Variants in LRP1B observed in about 807,000 individuals in gnomAD.
LRP1B encodes the protein LDL receptor related protein 1B.
In LRP1B, 217 loss-of-function variants were observed where a neutral mutation model predicts 556.6. The ratio of observed to expected loss-of-function variants is 0.39; its 90% confidence interval spans 0.35 to 0.44. The LOEUF (loss-of-function observed/expected upper bound fraction) is 0.44. Ranked by LOEUF, LRP1B falls within the 20% of genes least tolerant of loss-of-function variation. The pLI is 1.00. For synonymous variants in LRP1B, 2,047 were observed against 1,865.8 expected (o/e 1.10, Z -2.50); for missense variants, 5,053 against 5,620.8 (o/e 0.90, Z 3.23).
chr2:141,125,844 CAA>C lies in LRP1B; in HGVS notation c.1013+62575_1013+62576del, dbSNP rs386391362. Among the ~76,000 whole-genome samples the C allele has an allele frequency of 2.6e-4, 27 of 102,200 alleles. 1 individual carries two copies. The highest frequency in any genetic ancestry group is 1.0e-3 in the African/African-American group (26 of 25,282). The allele number at this position is 102,200 out of a possible 152,430, so 67.0% of individuals were successfully genotyped here. On this transcript the variant is annotated intron_variant, in intron 7 of 90. Transcript: ENST00000389484. ...TCTTGTCTGTAACTCCTTTCAAATG[CAA>C]AAAAAAAAAAAAAAACAAAAAACCT...
chr2:140,453,733 T>C (rs1457733770), intron 62 of LRP1B, among the ~76,000 whole-genome samples: 1 of 152,152 alleles, frequency 6.6e-6, no homozygotes, highest in Non-Finnish European at 1.5e-5. Flanking sequence ...ATCTTAATTT[T>C]TACTAGATTC....
intron 9 of LRP1B, 69 bp downstream of exon 9, chr2:141,058,814 A>C: frequency 7.5e-7 from 1 of 1,335,222 alleles, no homozygotes; most frequent in Non-Finnish European, 1.0e-6. Flanking sequence ...AACACCATAC[A>C]AAAGCACAAG....
chr2:141,640,254 T>G (rs1689282088), intron 2 of LRP1B, among the ~76,000 whole-genome samples: 1 of 152,218 alleles, frequency 6.6e-6, no homozygotes, highest in South Asian at 2.1e-4. Context: ...TGCAAATTCC[T>G]AGATCTTGCA....
At chr2:141,062,505 G>T (rs548919639) in intron 7 of LRP1B, among the ~76,000 whole-genome samples, 10 of 151,884 alleles carry the variant, frequency 6.6e-5, no homozygotes, top group Admixed American at 2.6e-4. Context: ...TCCCCAAAAT[G>T]AATGATTATA....
At chr2:141,583,924 G>T (rs1331080159) in intron 2 of LRP1B, among the ~76,000 whole-genome samples, 2 of 145,750 alleles carry the variant, frequency 1.4e-5, no homozygotes, top group Non-Finnish European at 3.0e-5. Flanking sequence ...TTTTTTAGTA[G>T]CGATGGGGTT....
intron 41 of LRP1B, among the ~76,000 whole-genome samples, chr2:140,643,290 A>G (rs1374478066): frequency 6.6e-6 from 1 of 152,112 alleles, no homozygotes; most frequent in Non-Finnish European, 1.5e-5. Flanking sequence ...GTTACTATTC[A>G]GAAGACAACC....
chr2:140,872,928 T>C (rs1405807015), intron 25 of LRP1B, among the ~76,000 whole-genome samples: 1 of 152,110 alleles, frequency 6.6e-6, no homozygotes, highest in South Asian at 2.1e-4. Flanking sequence ...TTTATGTGCA[T>C]GTACACAATG....
intron 43 of LRP1B, among the ~76,000 whole-genome samples, chr2:140,584,623 G>A (rs1277980019): frequency 6.6e-6 from 1 of 152,002 alleles, no homozygotes; most frequent in Non-Finnish European, 1.5e-5. Flanking sequence ...TACACTAGTT[G>A]CCCTAGATAC....
chr2:141,180,672 T>C (rs1680949070), intron 7 of LRP1B, among the ~76,000 whole-genome samples: 1 of 151,814 alleles, frequency 6.6e-6, no homozygotes, highest in Non-Finnish European at 1.5e-5. Context: ...CCCAGCCTCT[T>C]ATCAGTATTT....
intron 7 of LRP1B, among the ~76,000 whole-genome samples, chr2:141,106,852 C>G (rs1180505610): frequency 6.6e-6 from 1 of 152,142 alleles, no homozygotes; most frequent in Non-Finnish European, 1.5e-5. Context: ...CAACCACTTT[C>G]GATGCCAGGG....
intron 29 of LRP1B, among the ~76,000 whole-genome samples, chr2:140,843,522 T>G (rs1212400986): frequency 1.3e-5 from 2 of 152,154 alleles, no homozygotes; most frequent in Non-Finnish European, 2.9e-5. Context: ...GTCTTATTTC[T>G]CACTATTTTT....
chr2:140,733,229 G>A lies in LRP1B; in HGVS notation c.5759-16413C>T, dbSNP rs114815348. Reference sequence around the variant, plus strand: ...CTTAAATTTAGTCAATGTATAGTACGAATAACCCTTTCCTTAAAACACATA... The same window carrying A: ...CTTAAATTTAGTCAATGTATAGTACAAATAACCCTTTCCTTAAAACACATA... On this transcript the variant is annotated intron_variant, in intron 35 of 90. Coordinates refer to ENST00000389484, the MANE Select transcript of LRP1B (RefSeq NM_018557.3). 6.6e-3 allele frequency among the ~76,000 whole-genome samples: 1,008 copies of A among 152,162 alleles called. 6 individuals carry two copies. Among genetic ancestry groups the A allele is most frequent in the African/African-American group, 0.023 (958 of 41,540 alleles).
intron 1 of LRP1B, among the ~76,000 whole-genome samples, chr2:141,959,613 C>A (rs910679559): frequency 1.3e-5 from 2 of 151,600 alleles, no homozygotes; most frequent in South Asian, 2.1e-4. Flanking sequence ...CTGAAATTAT[C>A]GTATTAACAC....
chr2:140,595,072 A>G (rs1431559650), intron 43 of LRP1B, among the ~76,000 whole-genome samples: 1 of 139,934 alleles, frequency 7.1e-6, no homozygotes, highest in Non-Finnish European at 1.5e-5. Context: ...CTACTTAAAA[A>G]TAAAATATAA....
At chr2:141,234,415 C>T (rs1683580035) in intron 5 of LRP1B, among the ~76,000 whole-genome samples, 1 of 151,846 alleles carries the variant, frequency 6.6e-6, no homozygotes, top group African/African-American at 2.4e-5. Context: ...CTTGCTCTGT[C>T]ATACAGGCTA....
chr2:141,038,699 AT>A (rs1370556092), intron 11 of LRP1B, among the ~76,000 whole-genome samples: 1 of 152,094 alleles, frequency 6.6e-6, no homozygotes, highest in Non-Finnish European at 1.5e-5. Context: ...ACTATATTGT[AT>A]TGAGAAATTC....
intron 1 of LRP1B, among the ~76,000 whole-genome samples, chr2:141,983,770 A>G (rs1346193744): frequency 6.6e-6 from 1 of 152,002 alleles, no homozygotes; most frequent in African/African-American, 2.4e-5. Flanking sequence ...TGATGAAAAA[A>G]CCCATTTAGG....
rs143336233 is a variant in LRP1B at position 141,169,476 on chromosome 2, T to A, written c.1013+18945A>T. On this transcript the variant is annotated intron_variant, in intron 7 of 90. Coordinates refer to ENST00000389484, the MANE Select transcript of LRP1B (RefSeq NM_018557.3). ...CCACCAATGACTTATATCAGAATGT[T>A]TTCCATGACAGGTACAGGTAATTGA... Among the ~76,000 whole-genome samples the A allele has an allele frequency of 5.6e-3, 852 of 152,012 alleles. 8 individuals carry two copies. Among genetic ancestry groups the A allele is most frequent in the Non-Finnish European group, 9.0e-3 (614 of 67,936 alleles).
At chr2:141,047,866 G>A (rs542253444) in intron 11 of LRP1B, among the ~76,000 whole-genome samples, 1 of 152,104 alleles carries the variant, frequency 6.6e-6, no homozygotes, top group African/African-American at 2.4e-5. Flanking sequence ...TCTCCATTAA[G>A]ATCTAGTCCA....
Sources: allele counts gnomAD v4.1 joint callset (sites outside exome capture counted in the v4.1 genomes callset), GRCh38; gene constraint gnomAD v4.1.1; transcripts MANE v1.5; gene names NCBI Gene and HGNC (gene_info 2026-07-23, HGNC 2026-07-21).